The following TRPM7 variants were observed in gnomAD, a reference collection of about 807,000 sequenced individuals.
The protein encoded by TRPM7 is transient receptor potential cation channel subfamily M member 7.
Under a neutral mutation model 229.7 loss-of-function variants are expected in TRPM7, and 134 were observed. The ratio of observed to expected loss-of-function variants is 0.58; its 90% confidence interval spans 0.51 to 0.67. The LOEUF (loss-of-function observed/expected upper bound fraction) is 0.67. Among genes scored for constraint, TRPM7 ranks in the 30% least tolerant of loss-of-function variants. The pLI is 0.00. For missense variants in TRPM7, 1,901 were observed against 2,210.0 expected, an observed-to-expected ratio of 0.86 and a Z score of 2.80; for synonymous variants, 699 against 715.2, an observed-to-expected ratio of 0.98 and a Z score of 0.36.
At chr15:50,635,187 A>G (rs2060852851) in intron 7 of TRPM7, among the ~76,000 whole-genome samples, 2 of 151,372 alleles carry the variant, frequency 1.3e-5, no homozygotes, top group African/African-American at 4.9e-5. Context: ...TGTGGTGGCA[A>G]GCACCTGTAG....
intron 31 of TRPM7, 35 bp from the exon 32 acceptor site, chr15:50,575,954 A>G (rs1315755730): frequency 1.2e-6 from 2 of 1,606,446 alleles, no homozygotes; most frequent in Admixed American, 1.7e-5. Flanking sequence ...GACCATTTAA[A>G]AAGTACTAGT....
At chr15:50,589,911 G>A (rs1474373879) in intron 26 of TRPM7, among the ~76,000 whole-genome samples, 1 of 152,030 alleles carries the variant, frequency 6.6e-6, no homozygotes, top group Admixed American at 6.6e-5. Context: ...AGGCTGGAGT[G>A]CAGTGGTGTG....
chr15:50,591,397 T>C (rs180714391), intron 26 of TRPM7, among the ~76,000 whole-genome samples: 1 of 152,278 alleles, frequency 6.6e-6, no homozygotes, highest in African/African-American at 2.4e-5. Context: ...GATATTCAAA[T>C]TCAAAAGACA....
At chr15:50,646,104 G>A (rs1596296965) in intron 4 of TRPM7, among the ~76,000 whole-genome samples, 2 of 119,160 alleles carry the variant, frequency 1.7e-5, no homozygotes, top group Admixed American at 1.9e-4. Flanking sequence ...GCAACAGAGC[G>A]AGTCTCAAAA....
intron 12 of TRPM7, among the ~76,000 whole-genome samples, chr15:50,622,057 A>G (rs943485334): frequency 2.0e-5 from 3 of 152,154 alleles, no homozygotes; most frequent in Non-Finnish European, 4.4e-5. Flanking sequence ...ACAAAAAAAA[A>G]GTATCAGGCA....
intron 5 of TRPM7, among the ~76,000 whole-genome samples, chr15:50,642,276 T>G (rs955863103): frequency 4.6e-5 from 7 of 152,164 alleles, no homozygotes; most frequent in Non-Finnish European, 1.5e-5. Flanking sequence ...GTCAAAAACC[T>G]TTTTCTAAAA....
At chr15:50,624,540 A>C (rs528750659) in intron 11 of TRPM7, among the ~76,000 whole-genome samples, 1 of 152,210 alleles carries the variant, frequency 6.6e-6, no homozygotes, top group Non-Finnish European at 1.5e-5. Context: ...CTGTAGGAGA[A>C]TAAGTGTTAC....
chr15:50,619,223 CTTTTTTTTT>C (rs71124388), intron 13 of TRPM7, among the ~76,000 whole-genome samples: 3 of 137,282 alleles, frequency 2.2e-5, no homozygotes, highest in Non-Finnish European at 3.2e-5. Flanking sequence ...GCTTTTTTTT[CTTTTTTTTT>C]TTTTTTGAGA....
chr15:50,596,311 T>C lies in TRPM7; in HGVS notation c.3234A>G (p.Ala1078=), dbSNP rs192624771. 3 of 1,606,330 alleles carry C rather than the reference T, an allele frequency of 1.9e-6. No individual in the cohort carries two copies. In the Admixed American group the frequency reaches 5.1e-5, roughly 27 times the overall value. The change falls in exon 23 of 39, where the codon GCA becomes GCG. Residue 1078 remains alanine (A), a synonymous_variant. Transcript: ENST00000646667. ...TGATATACTGTACAAAGAGGTAGAC[T>C]GCTTGAAGAAATGGAGTCAACCACG... ...PGTWLTPFLQ[A]VYLFVQYIIM...
Position 50,586,430 on chromosome 15 carries a change from T to C in TRPM7, c.4448A>G (p.Asp1483Gly). The C allele has an allele frequency of 6.2e-7, 1 of 1,613,428 alleles. No individual in the cohort carries two copies. Among genetic ancestry groups the C allele is most frequent in the Non-Finnish European group, 8.5e-7 (1 of 1,179,434 alleles). ...KRVSSLAGFT[D>G]CHRTSIPVHS... Reference sequence around the variant, plus strand: ...AACAGGAATGGAAGTTCTGTGACAGTCAGTAAATCCAGCAAGAGAACTCAC... The same window carrying C: ...AACAGGAATGGAAGTTCTGTGACAGCCAGTAAATCCAGCAAGAGAACTCAC... Residue 1483 changes from aspartate to glycine, a missense_variant, in exon 28 of 39, where the codon GAC becomes GGC. By Grantham distance (94) the Asp-to-Gly change is moderately conservative. This residue lies in a region of TRPM7 where 533 missense variants were observed against 497.1 expected (regional missense o/e 1.07). Transcript: ENST00000646667.
At position 50,607,255 on chromosome 15, in the gene TRPM7, T is replaced by C. The variant is rs753885861; in HGVS notation, c.2654A>G (p.Gln885Arg). The change falls in exon 20 of 39, where the codon CAA becomes CGA. Residue 885 changes from glutamine to arginine, a missense_variant. This residue lies in a region of TRPM7 where 207 missense variants were observed against 241.5 expected (regional missense o/e 0.86). Coordinates refer to ENST00000646667, the MANE Select transcript of TRPM7 (RefSeq NM_017672.6). Reference protein sequence around the residue: ...LVQMEQLPSVQEWIVIAYIFT... With the variant: ...LVQMEQLPSVREWIVIAYIFT... ...AATATAAGCAATAACAATCCATTCT[T>C]GAACTGAAGGTAACTGTTCCATTTG... 1 of 1,611,014 alleles carries C rather than the reference T, an allele frequency of 6.2e-7. No homozygotes were observed. The highest frequency in any genetic ancestry group is 8.5e-7 in the Non-Finnish European group (1 of 1,178,334).
chr15:50,574,215 T>C (rs1232031541), intron 36 of TRPM7, 59 bp downstream of exon 36: 2 of 1,304,878 alleles, frequency 1.5e-6, no homozygotes, highest in African/African-American at 1.5e-5. Context: ...CTGTATAACA[T>C]ATGAATAGGT....
At chr15:50,672,522 A>C (rs1023783249) in intron 1 of TRPM7, among the ~76,000 whole-genome samples, 51 of 152,208 alleles carry the variant, frequency 3.4e-4, no homozygotes, top group African/African-American at 1.2e-3. Flanking sequence ...TCTACTGATG[A>C]TCCTGACCCC....
intron 20 of TRPM7, among the ~76,000 whole-genome samples, chr15:50,605,649 T>A (rs911435752): frequency 6.6e-6 from 1 of 152,206 alleles, no homozygotes; most frequent in Non-Finnish European, 1.5e-5. Context: ...TGGTGTATCA[T>A]AAATACTGCA....
rs115504019 is a variant in TRPM7, at chr15:50,671,528, G to A, written c.4-8482C>T. Among the ~76,000 whole-genome samples the A allele has an allele frequency of 1.9e-3, 291 of 152,256 alleles. 1 individual carries two copies. Among genetic ancestry groups the A allele is most frequent in the African/African-American group, 6.4e-3 (266 of 41,542 alleles). Reference sequence around the variant, plus strand: ...CTGAAAAATTCCTATTGCAGGCTGGGTGCAATGGCTCACACCTGTAATCCC... The same window carrying A: ...CTGAAAAATTCCTATTGCAGGCTGGATGCAATGGCTCACACCTGTAATCCC... On this transcript the variant is annotated intron_variant, in intron 1 of 38. Transcript: ENST00000646667.
At chr15:50,662,349 G>T (rs900060406) in intron 2 of TRPM7, among the ~76,000 whole-genome samples, 2 of 149,446 alleles carry the variant, frequency 1.3e-5, no homozygotes, top group African/African-American at 4.9e-5. Context: ...AAGGTAAAAA[G>T]AATAATTTTG....
intron 7 of TRPM7, among the ~76,000 whole-genome samples, chr15:50,635,664 CAAAAAAAAAAAAA>C (rs765054880): frequency 0.29 from 16,585 of 56,644 alleles, 1,358 homozygotes; most frequent in African/African-American, 0.35. Flanking sequence ...CTCCATCTCC[CAAAAAAAAAAAAA>C]AAAAAAAAAA....
At chr15:50,572,668 C>T (rs2053946644) in intron 36 of TRPM7, among the ~76,000 whole-genome samples, 1 of 152,204 alleles carries the variant, frequency 6.6e-6, no homozygotes, top group Non-Finnish European at 1.5e-5. Flanking sequence ...ATTGGCCTAA[C>T]TCATAATGGA....
At chr15:50,655,414 C>T (rs2061534039) in intron 3 of TRPM7, among the ~76,000 whole-genome samples, 1 of 137,978 alleles carries the variant, frequency 7.2e-6, no homozygotes, top group Admixed American at 8.6e-5. Flanking sequence ...GCCTGGACAA[C>T]AGACCAAGAC....
Sources: gnomAD v4.1 joint callset for allele counts (sites outside exome capture counted in the v4.1 genomes callset) on GRCh38, gnomAD v4.1.1 for gene constraint, gnomAD v4.1.1 regional missense constraint, MANE v1.5 for transcripts, NCBI Gene and HGNC (gene_info 2026-07-23, HGNC 2026-07-21) for gene names.